OPALIN: variants seen among roughly 807,000 people sequenced by gnomAD.
OPALIN encodes transmembrane protein 10.
A neutral mutation model predicts 17.8 loss-of-function variants in OPALIN; 15 were observed. The observed-to-expected ratio is 0.84, with a 90% CI of 0.56 to 1.29. OPALIN has a LOEUF of 1.29. Ranked by LOEUF, OPALIN falls within the 50% of genes most tolerant of loss-of-function variation. OPALIN has a pLI of 0.00. For synonymous variants in OPALIN, 62 were observed against 63.8 expected (o/e 0.97, Z 0.14); for missense variants, 170 against 176.0 (o/e 0.97, Z 0.19).
At position 96,348,360 on chromosome 10, in the gene OPALIN, A is replaced by G; in HGVS notation, c.193-15T>C. On this transcript the variant is annotated splice_polypyrimidine_tract_variant and intron_variant, in intron 4 of 5. Transcript: ENST00000371172. ...CTGTCACTTTCCTAAATTGGAAAAAATATAATAATAAAAGAAAGAAAGAAG... is the reference window on the plus strand; with the variant it reads ...CTGTCACTTTCCTAAATTGGAAAAAGTATAATAATAAAAGAAAGAAAGAAG... The G allele has an allele frequency of 7.7e-7, 1 of 1,300,322 alleles. No individual in the cohort carries two copies. Among genetic ancestry groups the G allele is most frequent in the Non-Finnish European group, 1.1e-6 (1 of 905,470 alleles). The allele number at this position is 1,300,322 out of a possible 1,614,324, so 80.5% of individuals were successfully genotyped here.
At position 96,343,261 on chromosome 10, in the gene OPALIN, C is replaced by A. The variant is rs897357185; in HGVS notation, c.*2680G>T. On this transcript the variant is annotated 3_prime_UTR_variant, in exon 6 of 6. Coordinates refer to ENST00000371172, the MANE Select transcript of OPALIN (RefSeq NM_033207.5). ...GGCCATTTTACTTTTCACTTCATTCCAACATAAGTTCTTGTGTATCATAGC... is the reference window on the plus strand; with the variant it reads ...GGCCATTTTACTTTTCACTTCATTCAAACATAAGTTCTTGTGTATCATAGC... The A allele has an allele frequency of 2.0e-5, 3 of 152,178 alleles. No homozygotes were observed. The highest frequency in any genetic ancestry group is 7.2e-5 in the African/African-American group (3 of 41,424). The allele number at this position is 152,178 out of a possible 1,614,324, so 9.4% of individuals were successfully genotyped here. A position where few individuals can be genotyped will look rare whatever the true frequency, so the allele number is the denominator to read the frequency against.
intron 3 of OPALIN, among the ~76,000 whole-genome samples, chr10:96,350,636 C>T (rs12413089): frequency 0.062 from 9,373 of 152,248 alleles, 833 homozygotes; most frequent in East Asian, 0.44. Flanking sequence ...GCACGTTGTG[C>T]ACATGTACCC....
chr10:96,348,158 G>A, intron 5 of OPALIN, 131 bp downstream of exon 5: 1 of 436,722 alleles, frequency 2.3e-6, no homozygotes, highest in South Asian at 7.8e-5. Context: ...CCTCCTTTGT[G>A]CTTGAGCTTC....
In OPALIN at chr10:96,350,008, C is replaced by A. The variant is rs758200243; in HGVS notation, c.73-182G>T. On this transcript the variant is annotated intron_variant, in intron 3 of 5. Transcript: ENST00000371172. The stretch of plus-strand genomic sequence containing the variant: ...TGTAACACACATGACAAATGACTTA[C>A]TTTCATAGGACTTAATTTACACAGT... 2.0e-4 allele frequency among the ~76,000 whole-genome samples: 31 copies of A among 152,162 alleles called. 1 individual carries two copies. The highest frequency in any genetic ancestry group is 2.9e-5 in the Non-Finnish European group (2 of 68,022).
intron 4 of OPALIN, 68 bp downstream of exon 4, chr10:96,349,639 C>T: frequency 6.5e-7 from 1 of 1,547,950 alleles, no homozygotes; most frequent in South Asian, 1.3e-5. Context: ...CACCCTTAGT[C>T]CAAAAGCCAG....
chr10:96,358,816 T>C lies in OPALIN; in HGVS notation c.3+78A>G, dbSNP rs529510241. On this transcript the variant is annotated intron_variant, in intron 1 of 5. Coordinates refer to ENST00000371172, the MANE Select transcript of OPALIN (RefSeq NM_033207.5). ...AAAATAAAGTCCCTTTACTTCATTG[T>C]ACATTTAATTGAATTTGGAGGTTTT... 9 of 1,426,834 alleles carry C rather than the reference T, an allele frequency of 6.3e-6. No individual in the cohort carries two copies. In the African/African-American group the frequency reaches 8.4e-5, roughly 13 times the overall value. 88.4% of individuals were successfully genotyped at this position (1,426,834 alleles called of 1,614,324 possible).
chr10:96,344,196 C>A lies in OPALIN; in HGVS notation c.*1745G>T, dbSNP rs921482415. On this transcript the variant is annotated 3_prime_UTR_variant, in exon 6 of 6. Coordinates refer to ENST00000371172, the MANE Select transcript of OPALIN (RefSeq NM_033207.5). The stretch of plus-strand genomic sequence containing the variant: ...TTGGTTCTACTCCACAGAGTAGATA[C>A]AGCCCTCATTTCTAATAATCTTTTG... The A allele has an allele frequency of 6.6e-6, 1 of 152,312 alleles. No homozygotes were observed. Among genetic ancestry groups the A allele is most frequent in the Admixed American group, 6.5e-5 (1 of 15,288 alleles). 9.4% of individuals were successfully genotyped at this position (152,312 alleles called of 1,614,324 possible).
In OPALIN at chr10:96,344,930, C is replaced by A. The variant is rs926291204; in HGVS notation, c.*1011G>T. On this transcript the variant is annotated 3_prime_UTR_variant, in exon 6 of 6. Transcript: ENST00000371172. ...TAAGGTTAAATGTAACACCACCAGT[C>A]TCTGTATTTGGAATTCGGAACTTGT... 3 of 152,188 alleles carry A rather than the reference C, an allele frequency of 2.0e-5. No individual in the cohort carries two copies. The highest frequency in any genetic ancestry group is 2.1e-4 in the South Asian group (1 of 4,820). The allele number at this position is 152,188 out of a possible 1,614,324, so 9.4% of individuals were successfully genotyped here. A position where few individuals can be genotyped will look rare whatever the true frequency, so the allele number is the denominator to read the frequency against.
intron 2 of OPALIN, among the ~76,000 whole-genome samples, chr10:96,354,194 C>T (rs538534568): frequency 2.0e-5 from 3 of 152,206 alleles, no homozygotes; most frequent in East Asian, 1.9e-4. Flanking sequence ...CAGATAACAA[C>T]CTTGGCTCTT....
intron 2 of OPALIN, among the ~76,000 whole-genome samples, chr10:96,354,016 C>T (rs988026910): frequency 6.6e-6 from 1 of 152,124 alleles, no homozygotes; most frequent in African/African-American, 2.4e-5. Flanking sequence ...GAACTATGCC[C>T]CCATGTTTCA....
rs964343372 is a variant in OPALIN, at chr10:96,346,073, T to C, written c.294A>G (p.Ala98=). 6.2e-7 allele frequency: 1 copy of C among 1,614,058 alleles called. No homozygotes were observed. Among genetic ancestry groups the C allele is most frequent in the Non-Finnish European group, 8.5e-7 (1 of 1,179,996 alleles). ...SPTHEKNTMG[A]QEAHIYVKTV... ...TCTTCACATATATGTGGGCCTCTTG[T>C]GCTCCCATCGTATTCTTCTCATGTG... The change falls in exon 6 of 6, where the codon GCA becomes GCG. Residue 98 remains alanine, a synonymous_variant. Transcript: ENST00000371172.
At chr10:96,354,525 A>G (rs1480304108) in intron 2 of OPALIN, among the ~76,000 whole-genome samples, 1 of 152,218 alleles carries the variant, frequency 6.6e-6, no homozygotes, top group African/African-American at 2.4e-5. Context: ...GTGATTAACC[A>G]TATAACAGTT....
intron 4 of OPALIN, 136 bp from the exon 5 acceptor site, chr10:96,348,481 A>G: frequency 1.9e-6 from 1 of 514,588 alleles, no homozygotes; most frequent in Non-Finnish European, 3.4e-6. Flanking sequence ...ACAAGCACAG[A>G]GGCATCTAAT....
intron 5 of OPALIN, among the ~76,000 whole-genome samples, chr10:96,347,628 C>T (rs552816126): frequency 6.6e-6 from 1 of 151,844 alleles, no homozygotes; most frequent in Non-Finnish European, 1.5e-5. Flanking sequence ...ACCGCCACCA[C>T]ACCCAGCTAA....
chr10:96,351,978 A>G (rs1368069644), intron 2 of OPALIN, among the ~76,000 whole-genome samples: 5 of 152,232 alleles, frequency 3.3e-5, no homozygotes, highest in Non-Finnish European at 7.3e-5. Flanking sequence ...GTTTACCTTG[A>G]TTAGGAAATC....
intron 1 of OPALIN, chr10:96,357,159 T>C: frequency 1.0e-6 from 1 of 985,398 alleles, no homozygotes; most frequent in Non-Finnish European, 1.2e-6. Flanking sequence ...GTCGCTGCAC[T>C]GAATGCAGCT....
At chr10:96,355,192 C>G in intron 2 of OPALIN, 63 bp downstream of exon 2, 1 of 1,339,056 alleles carries the variant, frequency 7.5e-7, no homozygotes, top group South Asian at 1.2e-5. Context: ...TTCTGGAGAC[C>G]TACTGTAAAT....
rs761716655 is a variant in OPALIN, at chr10:96,353,414, G to A, written c.39+1841C>T. 8.1e-6 allele frequency: 13 copies of A among 1,613,650 alleles called. No homozygotes were observed. In the South Asian group the frequency reaches 1.4e-4, roughly 18 times the overall value. On this transcript the variant is annotated intron_variant, in intron 2 of 5. Coordinates refer to ENST00000371172, the MANE Select transcript of OPALIN (RefSeq NM_033207.5). The stretch of plus-strand genomic sequence containing the variant: ...TGCACTGAAGTGGAAGGGTTATGCA[G>A]TAGAAATGTGACTTCCAGGCAGGAT...
In OPALIN at chr10:96,349,834, A is replaced by C; in HGVS notation, c.73-8T>G. ...AAGAGAGGGCCCACAGTCCTGGCAC[A>C]GAATGAAAAACACAGGGTCAGAGGA... is the stretch of plus-strand genomic sequence containing the variant. On this transcript the variant is annotated splice_region_variant and splice_polypyrimidine_tract_variant and intron_variant, in intron 3 of 5. Transcript: ENST00000371172. The C allele has an allele frequency of 1.2e-6, 2 of 1,607,866 alleles. No individual in the cohort carries two copies. The highest frequency in any genetic ancestry group is 1.1e-5 in the South Asian group (1 of 89,598).
Sources: gnomAD v4.1 joint callset for allele counts (sites outside exome capture counted in the v4.1 genomes callset) on GRCh38, gnomAD v4.1.1 for gene constraint, MANE v1.5 for transcripts, NCBI Gene and HGNC (gene_info 2026-07-23, HGNC 2026-07-21) for gene names.